The following IQANK1 variants were observed in gnomAD, a reference collection of about 807,000 sequenced individuals.
IQANK1 encodes the protein IQ motif and ankyrin repeat domain-containing protein 1.
A neutral mutation model predicts 22.6 loss-of-function variants in IQANK1; 30 were observed. The ratio of observed to expected loss-of-function variants is 1.33; its 90% CI spans 0.99 to 1.80. IQANK1 has a LOEUF of 1.80. Among genes scored for constraint, IQANK1 ranks in the 40% most tolerant of loss-of-function variants. The pLI, the probability that IQANK1 is intolerant of heterozygous loss-of-function variation, is 0.00. For missense variants in IQANK1, 275 were observed against 235.2 expected (o/e 1.17, Z -1.11); for synonymous variants, 122 against 99.6 (o/e 1.23, Z -1.34).
intron 3 of IQANK1, among the ~76,000 whole-genome samples, chr8:143,754,837 A>G (rs571541245): frequency 2.3e-4 from 35 of 152,252 alleles, no homozygotes; most frequent in African/African-American, 8.2e-4. Flanking sequence ...TGCATTAGCC[A>G]GGATGGTCTC....
intron 7 of IQANK1, among the ~76,000 whole-genome samples, chr8:143,786,484 A>G (rs370450265): frequency 2.6e-5 from 4 of 152,254 alleles, no homozygotes; most frequent in African/African-American, 9.6e-5. Flanking sequence ...ATGTGCATAA[A>G]TGAATACATC....
chr8:143,741,116 T>C (rs1554626439), intron 3 of IQANK1, among the ~76,000 whole-genome samples: 1 of 152,072 alleles, frequency 6.6e-6, no homozygotes. Flanking sequence ...AGGCTCCTGG[T>C]GGGAAACCAA....
chr8:143,736,309 T>G (rs1448539876), intron 2 of IQANK1, among the ~76,000 whole-genome samples: 1 of 152,020 alleles, frequency 6.6e-6, no homozygotes, highest in Non-Finnish European at 1.5e-5. Flanking sequence ...CCTGCTGATT[T>G]TTGTATTTTT....
intron 7 of IQANK1, among the ~76,000 whole-genome samples, chr8:143,775,549 A>G (rs1280560614): frequency 6.6e-6 from 1 of 152,016 alleles, no homozygotes; most frequent in African/African-American, 2.4e-5. Flanking sequence ...TCACAAGGTC[A>G]GGAGTTTGAG....
intron 7 of IQANK1, among the ~76,000 whole-genome samples, chr8:143,780,082 T>C (rs559602977): frequency 6.6e-6 from 1 of 152,282 alleles, no homozygotes; most frequent in South Asian, 2.1e-4. Flanking sequence ...ACTCATGTAG[T>C]AACTACCTGA....
At chr8:143,777,451 G>A (rs1819708843) in intron 7 of IQANK1, among the ~76,000 whole-genome samples, 1 of 148,826 alleles carries the variant, frequency 6.7e-6, no homozygotes, top group Non-Finnish European at 1.5e-5. Context: ...GGGAGGCGGA[G>A]GCTGCAGTGA....
intron 3 of IQANK1, among the ~76,000 whole-genome samples, chr8:143,746,611 A>C (rs1819037595): frequency 6.6e-6 from 1 of 152,178 alleles, no homozygotes. Context: ...TTGAACTCCT[A>C]GGCTCAGGTG....
At chr8:143,776,357 AAG>A (rs1278873624) in intron 7 of IQANK1, among the ~76,000 whole-genome samples, 1 of 151,952 alleles carries the variant, frequency 6.6e-6, no homozygotes, top group African/African-American at 2.4e-5. Context: ...AAAAAGAAAA[AAG>A]AAAAAAATTG....
intron 3 of IQANK1, among the ~76,000 whole-genome samples, chr8:143,761,517 C>T (rs1438233288): frequency 6.6e-6 from 1 of 152,200 alleles, no homozygotes; most frequent in Non-Finnish European, 1.5e-5. Context: ...CACCTGTAAT[C>T]CCAGCACTTT....
chr8:143,777,585 G>C (rs1429364245), intron 7 of IQANK1, among the ~76,000 whole-genome samples: 5 of 151,408 alleles, frequency 3.3e-5, no homozygotes, highest in South Asian at 4.2e-4. Flanking sequence ...AAGGCTGGGA[G>C]GGGTAAATGG....
intron 1 of IQANK1, among the ~76,000 whole-genome samples, chr8:143,734,792 G>A (rs1818683268): frequency 6.6e-6 from 1 of 151,844 alleles, no homozygotes; most frequent in Non-Finnish European, 1.5e-5. Flanking sequence ...AACGGACAAG[G>A]GACCCAGTGT....
intron 6 of IQANK1, 32 bp from the exon 7 acceptor site, chr8:143,772,325 C>T (rs1554629872): frequency 2.5e-6 from 1 of 398,744 alleles, no homozygotes; most frequent in Non-Finnish European, 4.4e-6. Flanking sequence ...AGGGGCAAGG[C>T]CTGGATCTTG....
At chr8:143,754,697 C>T (rs1819256607) in intron 3 of IQANK1, among the ~76,000 whole-genome samples, 1 of 152,092 alleles carries the variant, frequency 6.6e-6, no homozygotes. Context: ...CTGATCTCAG[C>T]TCACTGCAAG....
intron 3 of IQANK1, among the ~76,000 whole-genome samples, chr8:143,748,821 A>C (rs574574231): frequency 9.2e-6 from 1 of 109,020 alleles, no homozygotes; most frequent in East Asian, 2.7e-4. Context: ...TAAATATATA[A>C]ATATATATTT....
intron 7 of IQANK1, among the ~76,000 whole-genome samples, chr8:143,782,603 C>G (rs1465608343): frequency 1.3e-5 from 2 of 152,160 alleles, no homozygotes; most frequent in African/African-American, 4.8e-5. Flanking sequence ...GCCTCGGCCT[C>G]CTGAGTAGCT....
At chr8:143,780,441 G>A (rs2129936013) in intron 7 of IQANK1, among the ~76,000 whole-genome samples, 1 of 152,202 alleles carries the variant, frequency 6.6e-6, no homozygotes, top group East Asian at 1.9e-4. Context: ...ACTAAGCCCA[G>A]TACCCAATAG....
chr8:143,761,085 G>C (rs6985510), intron 3 of IQANK1, among the ~76,000 whole-genome samples: 3 of 152,150 alleles, frequency 2.0e-5, no homozygotes, highest in Non-Finnish European at 4.4e-5. Context: ...GGGTTTCGCC[G>C]GGAGCAGCAG....
rs370428606 is a variant in IQANK1, at chr8:143,751,664, G to GTGTGTATATATATATATATATA, written c.175+11717_175+11718insGTGTATATATATATATATATAT. On this transcript the variant is annotated intron_variant, in intron 3 of 13. Coordinates refer to ENST00000527139, the MANE Select transcript of IQANK1 (RefSeq NM_001381874.1). ...TGTGTGTGTGTGTGTGTGTGTGTGT[G>GTGTGTATATATATATATATATA]TATATATATATATAAAATCCTATAC... Among the ~76,000 whole-genome samples the GTGTGTATATATATATATATATA allele has an allele frequency of 5.5e-3, 339 of 61,502 alleles. 4 individuals carry two copies. The highest frequency in any genetic ancestry group is 9.3e-3 in the Middle Eastern group (1 of 108). 40.3% of individuals were successfully genotyped at this position (61,502 alleles called of 152,430 possible). A position where few individuals can be genotyped will look rare whatever the true frequency, so the allele number is the denominator to read the frequency against.
chr8:143,771,838 C>T lies in IQANK1; in HGVS notation c.344C>T (p.Ala115Val). ...LAPVRREQEA[A>V]RRLREQEEAA... ...CCGGTGCGCCGGGAGCAGGAGGCCG[C>T]GCGGCGGCTGCGCGAGCAGGAGGAG... is the stretch of plus-strand genomic sequence containing the variant. Residue 115 changes from alanine (A) to valine (V), a missense_variant, in exon 5 of 14, where the codon GCG becomes GTG. Coordinates refer to ENST00000527139, the MANE Select transcript of IQANK1 (RefSeq NM_001381874.1). The surrounding 1 kb of genome is among the most constrained non-coding windows in gnomAD (Gnocchi z 6.0). 2.5e-6 allele frequency: 1 copy of T among 395,538 alleles called. No homozygotes were observed. The highest frequency in any genetic ancestry group is 4.5e-6 in the Non-Finnish European group (1 of 224,092). The allele number at this position is 395,538 out of a possible 1,614,324, so 24.5% of individuals were successfully genotyped here.
Sources: gnomAD v4.1 joint callset for allele counts (sites outside exome capture counted in the v4.1 genomes callset) on GRCh38, gnomAD v4.1.1 for gene constraint, Gnocchi (gnomAD v3.1) non-coding constraint, MANE v1.5 for transcripts, NCBI Gene and HGNC (gene_info 2026-07-23, HGNC 2026-07-21) for gene names.